The following KSR2 variants were observed in gnomAD, a reference collection of about 807,000 sequenced individuals.
KSR2 encodes kinase suppressor of ras 2.
KSR2 carries 25 observed loss-of-function variants against 107.8 expected under a neutral mutation model. The ratio of observed to expected loss-of-function variants is 0.23; its 90% CI spans 0.17 to 0.32. The LOEUF (loss-of-function observed/expected upper bound fraction) is 0.32, where lower values mean the gene tolerates loss of function less well. Among genes scored for constraint, KSR2 ranks in the 10% least tolerant of loss-of-function variants. The pLI is 1.00. For synonymous variants in KSR2, 480 were observed against 507.0 expected (o/e 0.95, Z 0.71); for missense variants, 887 against 1,268.9 (o/e 0.70, Z 4.57).
At chr12:117,689,564 C>CAA (rs1203508321) in intron 4 of KSR2, among the ~76,000 whole-genome samples, 1 of 152,104 alleles carries the variant, frequency 6.6e-6, no homozygotes, top group Non-Finnish European at 1.5e-5. Flanking sequence ...ACTTTATTTA[C>CAA]AAAAACAGTC....
At chr12:117,813,177 C>G (rs139292245) in intron 3 of KSR2, among the ~76,000 whole-genome samples, 1 of 152,076 alleles carries the variant, frequency 6.6e-6, no homozygotes, top group Non-Finnish European at 1.5e-5. Context: ...AAACTTAAAA[C>G]TACTAGAAGT....
At chr12:117,834,656 C>A (rs1209416980) in intron 3 of KSR2, among the ~76,000 whole-genome samples, 8 of 152,168 alleles carry the variant, frequency 5.3e-5, no homozygotes, top group African/African-American at 1.9e-4. Context: ...GGTGAGGCTC[C>A]TCCTCTGGGC....
At chr12:117,793,117 CA>C (rs1348202891) in intron 3 of KSR2, among the ~76,000 whole-genome samples, 3 of 92,534 alleles carry the variant, frequency 3.2e-5, no homozygotes, top group African/African-American at 5.7e-5. Context: ...AACGTGCACA[CA>C]AACATGCACA....
At chr12:117,886,315 TA>T (rs972597118) in intron 1 of KSR2, among the ~76,000 whole-genome samples, 1 of 151,638 alleles carries the variant, frequency 6.6e-6, no homozygotes, top group African/African-American at 2.4e-5. Flanking sequence ...ATATGTAGTA[TA>T]TATTTCATAT....
chr12:117,787,397 C>CCACG (rs1322577791), intron 3 of KSR2, among the ~76,000 whole-genome samples: 1 of 152,144 alleles, frequency 6.6e-6, no homozygotes, highest in Non-Finnish European at 1.5e-5. Context: ...TTTTGGGAGG[C>CCACG]CACGGCGGGC....
chr12:117,884,072 G>A (rs1279504916), intron 1 of KSR2, among the ~76,000 whole-genome samples: 1 of 152,064 alleles, frequency 6.6e-6, no homozygotes, highest in Non-Finnish European at 1.5e-5. Context: ...AAGCAACCTA[G>A]TGAGAAATGG....
rs1295344861 is a variant in KSR2 at position 117,455,907 on chromosome 12, G to C, written c.*11292C>G. 1 of 152,218 alleles carries C rather than the reference G, an allele frequency of 6.6e-6. No individual in the cohort carries two copies. The highest frequency in any genetic ancestry group is 1.5e-5 in the Non-Finnish European group (1 of 68,052). 9.4% of individuals were successfully genotyped at this position (152,218 alleles called of 1,614,324 possible). A position where few individuals can be genotyped will look rare whatever the true frequency, so the allele number is the denominator to read the frequency against. On this transcript the variant is annotated 3_prime_UTR_variant, in exon 20 of 20. Coordinates refer to ENST00000339824, the MANE Select transcript of KSR2 (RefSeq NM_173598.6). ...CAGCTATGGGAGCTCATGGAGAACA[G>C]AGACTCCAAATTGGATGCCATCTTG...
At chr12:117,806,811 T>C (rs965990641) in intron 3 of KSR2, among the ~76,000 whole-genome samples, 3 of 152,188 alleles carry the variant, frequency 2.0e-5, no homozygotes, top group Non-Finnish European at 4.4e-5. Context: ...CTTTTTGAGG[T>C]TCATCCACAT....
intron 14 of KSR2, among the ~76,000 whole-genome samples, chr12:117,519,947 G>C (rs1202099937): frequency 6.6e-6 from 1 of 152,118 alleles, no homozygotes; most frequent in Non-Finnish European, 1.5e-5. Flanking sequence ...AAAATCCCCT[G>C]GCACTTACTA....
intron 14 of KSR2, among the ~76,000 whole-genome samples, chr12:117,485,913 C>T (rs954160774): frequency 3.3e-4 from 50 of 152,118 alleles, no homozygotes; most frequent in African/African-American, 1.1e-3. Flanking sequence ...TGTGGCTGAC[C>T]GACAAGGACA....
chr12:117,883,791 G>A (rs999319451), intron 1 of KSR2, among the ~76,000 whole-genome samples: 4 of 149,868 alleles, frequency 2.7e-5, no homozygotes, highest in Non-Finnish European at 5.9e-5. Flanking sequence ...CAGGAGAATT[G>A]CTTAAACCTG....
chr12:117,542,628 A>T (rs1197571117), intron 9 of KSR2, among the ~76,000 whole-genome samples: 1 of 152,042 alleles, frequency 6.6e-6, no homozygotes, highest in Non-Finnish European at 1.5e-5. Context: ...TCTATTCTCC[A>T]TATCTGTCCA....
At chr12:117,707,136 A>G (rs892228151) in intron 4 of KSR2, among the ~76,000 whole-genome samples, 7 of 152,260 alleles carry the variant, frequency 4.6e-5, no homozygotes, top group Non-Finnish European at 8.8e-5. Context: ...AACACAAAAT[A>G]CTACATATTG....
rs1367330150 is a variant in KSR2, at chr12:117,461,269, C to T, written c.*5930G>A. 1.3e-5 allele frequency: 2 copies of T among 152,282 alleles called. No homozygotes were observed. The highest frequency in any genetic ancestry group is 2.1e-4 in the South Asian group (1 of 4,834). The allele number at this position is 152,282 out of a possible 1,614,324, so 9.4% of individuals were successfully genotyped here. A position where few individuals can be genotyped will look rare whatever the true frequency, so the allele number is the denominator to read the frequency against. On this transcript the variant is annotated 3_prime_UTR_variant, in exon 20 of 20. Coordinates refer to ENST00000339824, the MANE Select transcript of KSR2 (RefSeq NM_173598.6). ...CCTGGGTGACAGAGCAAGACTCTAA[C>T]TCTAAACCACAACAACAAACCTAAC...
Position 117,887,626 on chromosome 12 carries a change from TG to T in KSR2, c.181-27196del, listed in dbSNP as rs1390612026. 4.6e-5 allele frequency among the ~76,000 whole-genome samples: 7 copies of T among 152,178 alleles called. No individual in the cohort carries two copies. In the East Asian group the frequency reaches 1.4e-3, roughly 30 times the overall value. On this transcript the variant is annotated intron_variant, in intron 1 of 19. Transcript: ENST00000339824. ...CCCAAAGTGGCTTCAACAAAGGAAT[TG>T]TTTAGTTACACAGCAATAATCCAGC...
chr12:117,599,142 A>G (rs894366208), intron 5 of KSR2, among the ~76,000 whole-genome samples: 1 of 152,238 alleles, frequency 6.6e-6, no homozygotes, highest in African/African-American at 2.4e-5. Flanking sequence ...TATAATGGCA[A>G]AAACTGCAAT....
intron 1 of KSR2, among the ~76,000 whole-genome samples, chr12:117,872,722 A>G (rs1017009352): frequency 2.6e-5 from 4 of 152,236 alleles, no homozygotes; most frequent in Non-Finnish European, 4.4e-5. Flanking sequence ...CTGAACAATT[A>G]CATAATGAAA....
At chr12:117,520,958 C>T (rs1004034980) in intron 14 of KSR2, among the ~76,000 whole-genome samples, 14 of 152,296 alleles carry the variant, frequency 9.2e-5, no homozygotes, top group Middle Eastern at 3.4e-3. Flanking sequence ...GTCCCCACCA[C>T]AAAGGCTTTT....
intron 1 of KSR2, among the ~76,000 whole-genome samples, chr12:117,896,663 T>C (rs1254201149): frequency 6.6e-6 from 1 of 152,104 alleles, no homozygotes. Flanking sequence ...TTTCACCACA[T>C]TGGCCAGGCT....
Sources: allele counts gnomAD v4.1 joint callset (sites outside exome capture counted in the v4.1 genomes callset), GRCh38; gene constraint gnomAD v4.1.1; transcripts MANE v1.5; gene names NCBI Gene and HGNC (gene_info 2026-07-23, HGNC 2026-07-21).